The following PRRC2C variants were observed in gnomAD, a reference collection of about 807,000 sequenced individuals.
PRRC2C encodes the protein proline rich coiled-coil 2C, also known as protein PRRC2C.
PRRC2C carries 72 observed loss-of-function variants against 317.2 expected under a neutral mutation model. The ratio of observed to expected loss-of-function variants is 0.23; its 90% CI spans 0.19 to 0.28. PRRC2C has a LOEUF of 0.28. Among genes scored for constraint, PRRC2C ranks in the 10% least tolerant of loss-of-function variants. The pLI is 1.00. For synonymous variants in PRRC2C, 1,296 were observed against 1,205.9 expected (o/e 1.07, Z -1.55); for missense variants, 3,074 against 3,459.7 (o/e 0.89, Z 2.80).
In PRRC2C at chr1:171,519,828, T is replaced by C. The variant is rs187059301; in HGVS notation, c.750+2014T>C. Reference sequence around the variant, plus strand: ...GTTGATTTTATTTAAAAATATGGAATGCTTCATGAATTTGTATGTTATTTT... The same window carrying C: ...GTTGATTTTATTTAAAAATATGGAACGCTTCATGAATTTGTATGTTATTTT... On this transcript the variant is annotated intron_variant, in intron 6 of 34. Transcript: ENST00000647382. 2.6e-4 allele frequency among the ~76,000 whole-genome samples: 39 copies of C among 152,362 alleles called. No individual in the cohort carries two copies. The East Asian group carries it at 6.6e-3, about 26-fold the overall frequency.
chr1:171,523,344 A>T lies in PRRC2C; in HGVS notation c.957A>T (p.Glu319Asp), dbSNP rs563574468. 3.1e-6 allele frequency: 5 copies of T among 1,613,966 alleles called. No homozygotes were observed. In the South Asian group the frequency reaches 5.5e-5, roughly 18 times the overall value. The stretch of plus-strand genomic sequence containing the variant: ...ATAACCTAGATGCTGAAGCTGATGA[A>T]GGTTGGGCAGGTAAGAGGCAAAATT... ...KFDNLDAEAD[E>D]GWAGAQMEVD... The change falls in exon 8 of 35, where the codon GAA (glutamate) becomes GAT (aspartate). Residue 319 changes from glutamate (E) to aspartate (D), a missense_variant. Glu to Asp is a conservative substitution (Grantham distance 45). Around this residue, in one of 11 missense-constraint regions of PRRC2C, gnomAD observed 50 missense variants for 88.3 expected, o/e 0.57. Coordinates refer to ENST00000647382, the MANE Select transcript of PRRC2C (RefSeq NM_001387844.1).
chr1:171,517,610 T>C lies in PRRC2C; in HGVS notation c.546T>C (p.Asp182=), dbSNP rs1414593294. The part of the protein sequence containing the change: ...LRPPNVACWR[D]GGKAAGSPSS... ...TACTAGATGTTGCTTGTTGGAGAGA[T>C]GGTGGTAAGGCTGCTGGCTCACCTT... The change falls in exon 6 of 35, where the codon GAT becomes GAC. Residue 182 remains aspartate (D), a synonymous_variant. Transcript: ENST00000647382. 1.9e-6 allele frequency: 3 copies of C among 1,611,310 alleles called. No homozygotes were observed. The highest frequency in any genetic ancestry group is 2.5e-6 in the Non-Finnish European group (3 of 1,179,288).
chr1:171,589,311 T>C, intron 33 of PRRC2C, 58 bp from the exon 34 acceptor site: 1 of 533,812 alleles, frequency 1.9e-6, no homozygotes, highest in Non-Finnish European at 2.7e-6. Context: ...GTTGGCAGTT[T>C]TTTTTTTTTT....
intron 17 of PRRC2C, 93 bp from the exon 18 acceptor site, chr1:171,549,989 GTTTT>G (rs11358319): frequency 8.3e-5 from 60 of 718,878 alleles, no homozygotes; most frequent in South Asian, 2.4e-4. Context: ...CCTTTGGCTA[GTTTT>G]TTTTTTTTTT....
At chr1:171,575,713 G>C (rs1038709963) in intron 25 of PRRC2C, among the ~76,000 whole-genome samples, 17 of 152,034 alleles carry the variant, frequency 1.1e-4, no homozygotes, top group Admixed American at 6.6e-5. Flanking sequence ...ATTATTTGGA[G>C]GCCTTACGGT....
intron 30 of PRRC2C, among the ~76,000 whole-genome samples, chr1:171,585,039 A>G (rs773405350): frequency 1.3e-5 from 2 of 151,646 alleles, no homozygotes; most frequent in Non-Finnish European, 2.9e-5. Context: ...GGCCTTCCAA[A>G]GTGTTGGGAT....
intron 1 of PRRC2C, among the ~76,000 whole-genome samples, chr1:171,504,991 C>G (rs1233504418): frequency 3.3e-5 from 5 of 150,684 alleles, no homozygotes; most frequent in Non-Finnish European, 1.5e-5. Context: ...GTAGGTCTTA[C>G]GTATCTTTTG....
intron 15 of PRRC2C, among the ~76,000 whole-genome samples, chr1:171,539,374 A>G (rs187771204): frequency 2.0e-5 from 3 of 152,352 alleles, no homozygotes; most frequent in African/African-American, 7.2e-5. Flanking sequence ...AAATTTAATC[A>G]TATGGTACCA....
Position 171,591,761 on chromosome 1 carries a change from C to T in PRRC2C, c.8611C>T (p.Pro2871Ser). ...TCAGGAAAAAGTAGAAGAAAAGCCA[C>T]CCCCTGCACCCTCCATAGCCACCAA... ...VCQEKVEEKP[P>S]PAPSIATKPV... The change falls in exon 35 of 35, where the codon CCC becomes TCC. Residue 2871 changes from proline to serine, a missense_variant. Around this residue, in one of 11 missense-constraint regions of PRRC2C, gnomAD observed 78 missense variants for 97.7 expected, o/e 0.80. Coordinates refer to ENST00000647382, the MANE Select transcript of PRRC2C (RefSeq NM_001387844.1). The T allele has an allele frequency of 6.2e-7, 1 of 1,613,590 alleles. No individual in the cohort carries two copies. Among genetic ancestry groups the T allele is most frequent in the Non-Finnish European group, 8.5e-7 (1 of 1,179,838 alleles).
chr1:171,583,655 T>C (rs1291910996), intron 28 of PRRC2C, among the ~76,000 whole-genome samples: 1 of 152,244 alleles, frequency 6.6e-6, no homozygotes, highest in African/African-American at 2.4e-5. Context: ...TGTAACTGTA[T>C]GTACTGAACT....
intron 15 of PRRC2C, among the ~76,000 whole-genome samples, chr1:171,537,889 TGTTTTG>T (rs1278708611): frequency 2.2e-3 from 332 of 152,066 alleles, no homozygotes; most frequent in African/African-American, 7.7e-3. Context: ...TGGGGTTTTT[TGTTTTG>T]TTTTTGTTTT....
chr1:171,591,485 G>A, intron 34 of PRRC2C, 102 bp from the exon 35 acceptor site: 6 of 1,451,352 alleles, frequency 4.1e-6, no homozygotes, highest in Non-Finnish European at 5.6e-6. Flanking sequence ...ACCAGTGTGG[G>A]GAAAACTGAT....
At position 171,517,715 on chromosome 1, in the gene PRRC2C, A is replaced by C; in HGVS notation, c.651A>C (p.Lys217Asn). Residue 217 changes from lysine to asparagine, a missense_variant, in exon 6 of 35, where the codon AAA becomes AAC. Physicochemically the swap from Lys to Asn is moderately conservative, Grantham distance 94. Around this residue, in one of 11 missense-constraint regions of PRRC2C, gnomAD observed 237 missense variants for 199.5 expected, o/e 1.19. Transcript: ENST00000647382. ...CATCAGAGCAAAATGATATCCTCAA[A>C]GTGGTGGAAAAGAGGATAGCTTGTG... ...AGTSEQNDIL[K>N]VVEKRIACGP... The C allele has an allele frequency of 7.4e-6, 12 of 1,613,762 alleles. No individual in the cohort carries two copies. The highest frequency in any genetic ancestry group is 1.0e-5 in the Non-Finnish European group (12 of 1,179,850).
chr1:171,493,565 A>G (rs1667570014), intron 1 of PRRC2C, among the ~76,000 whole-genome samples: 1 of 152,222 alleles, frequency 6.6e-6, no homozygotes, highest in African/African-American at 2.4e-5. Context: ...TCACCCTGTA[A>G]TCCCAGCACT....
At chr1:171,535,042 A>T (rs899539627) in intron 12 of PRRC2C, among the ~76,000 whole-genome samples, 1 of 152,192 alleles carries the variant, frequency 6.6e-6, no homozygotes, top group Non-Finnish European at 1.5e-5. Flanking sequence ...TTAAGTATTT[A>T]TAGGCCATTT....
At chr1:171,512,471 CTCAG>C in intron 2 of PRRC2C, 1 of 352,708 alleles carries the variant, frequency 2.8e-6, no homozygotes, top group South Asian at 2.4e-5. Context: ...AAAGGGGAAA[CTCAG>C]TCAATGAGAT....
chr1:171,544,582 A>G (rs1470339829), intron 16 of PRRC2C, among the ~76,000 whole-genome samples: 1 of 152,242 alleles, frequency 6.6e-6, no homozygotes, highest in Non-Finnish European at 1.5e-5. Context: ...TATTTCCCGT[A>G]ACCAAACTAT....
chr1:171,512,800 G>A (rs374429918), intron 2 of PRRC2C, 195 bp from the exon 3 acceptor site: 9 of 471,964 alleles, frequency 1.9e-5, no homozygotes, highest in East Asian at 1.4e-4. Context: ...TCTGTTAAAT[G>A]CTGTTAAATG....
intron 1 of PRRC2C, among the ~76,000 whole-genome samples, chr1:171,506,686 T>TG (rs1670300666): frequency 1.8e-5 from 2 of 109,650 alleles, no homozygotes; most frequent in African/African-American, 3.2e-5. Flanking sequence ...ATTTTTTTTC[T>TG]TTGTGTGTGT....
Sources: allele counts gnomAD v4.1 joint callset (sites outside exome capture counted in the v4.1 genomes callset), GRCh38; gene constraint gnomAD v4.1.1; regional missense constraint gnomAD v4.1.1; transcripts MANE v1.5; gene names NCBI Gene and HGNC (gene_info 2026-07-23, HGNC 2026-07-21).